Variants in CCDC178 observed in about 807,000 individuals in gnomAD.
CCDC178 encodes the protein coiled-coil domain-containing protein 178.
A neutral mutation model predicts 117.4 loss-of-function variants in CCDC178; 126 were observed. The ratio of observed to expected loss-of-function variants is 1.07; its 90% CI spans 0.93 to 1.24. The LOEUF (loss-of-function observed/expected upper bound fraction) is 1.24, where lower values mean the gene tolerates loss of function less well. Among genes scored for constraint, CCDC178 ranks in the 50% most tolerant of loss-of-function variants. The probability of loss-of-function intolerance (pLI) is 0.00; values close to 1 mark genes in which losing one functional copy is unlikely to be tolerated. For missense variants in CCDC178, 1,030 were observed against 986.9 expected (o/e 1.04, Z -0.59); for synonymous variants, 283 against 313.4 (o/e 0.90, Z 1.02).
intron 9 of CCDC178, among the ~76,000 whole-genome samples, chr18:33,339,531 C>T (rs2062786500): frequency 6.6e-6 from 1 of 151,114 alleles, no homozygotes. Flanking sequence ...CTGAAAATGA[C>T]TCAAGCAGCA....
Position 33,420,899 on chromosome 18 carries a change from A to G in CCDC178, c.-22-8789T>C, listed in dbSNP as rs200044940. ...TGTGGAAATTAAAAAATACACTATA[A>G]ATAACCTATATAAAAGAATATATCA... On this transcript the variant is annotated intron_variant, in intron 2 of 22. Transcript: ENST00000383096. Among the ~76,000 whole-genome samples the G allele has an allele frequency of 1.2e-4, 19 of 152,324 alleles. No individual in the cohort carries two copies. The East Asian group carries it at 2.5e-3, about 20-fold the overall frequency.
chr18:33,095,572 A>G (rs1388182628), intron 20 of CCDC178, among the ~76,000 whole-genome samples: 1 of 152,048 alleles, frequency 6.6e-6, no homozygotes, highest in Non-Finnish European at 1.5e-5. Flanking sequence ...AAGATCTAAC[A>G]TAAGCAGGTG....
At chr18:33,239,851 C>A (rs530811311) in intron 15 of CCDC178, among the ~76,000 whole-genome samples, 45 of 151,282 alleles carry the variant, frequency 3.0e-4, no homozygotes, top group Non-Finnish European at 4.4e-4. Flanking sequence ...CACCATTGAC[C>A]AAATGGACCT....
At chr18:33,133,326 A>C (rs1289540580) in intron 20 of CCDC178, among the ~76,000 whole-genome samples, 2 of 151,836 alleles carry the variant, frequency 1.3e-5, no homozygotes, top group Admixed American at 6.6e-5. Context: ...AAGACGTTTA[A>C]TTTTTTTCTG....
chr18:33,105,225 C>T (rs1232147861), intron 20 of CCDC178, among the ~76,000 whole-genome samples: 1 of 151,696 alleles, frequency 6.6e-6, no homozygotes, highest in South Asian at 2.1e-4. Context: ...AAAACTACCA[C>T]TAAGTCAGGC....
rs1005096468 is a variant in CCDC178, at chr18:33,067,875, G to A, written c.2388+24886C>T. Among the ~76,000 whole-genome samples, 23 of 151,056 alleles carry A rather than the reference G, an allele frequency of 1.5e-4. 1 individual carries two copies. In the South Asian group the frequency reaches 4.8e-3, roughly 31 times the overall value. On this transcript the variant is annotated intron_variant, in intron 21 of 22. Coordinates refer to ENST00000383096, the MANE Select transcript of CCDC178 (RefSeq NM_001105528.4). ...TAAAAAGAAAGAAAGAAAAAAAGAA[G>A]AATTAACAAAATTAAAAAGCCGGTG...
At chr18:33,409,965 G>A (rs887440552) in intron 3 of CCDC178, among the ~76,000 whole-genome samples, 1 of 152,130 alleles carries the variant, frequency 6.6e-6, no homozygotes, top group Non-Finnish European at 1.5e-5. Flanking sequence ...ATTTACAGAT[G>A]TCTATATCAC....
intron 21 of CCDC178, among the ~76,000 whole-genome samples, chr18:33,029,056 G>C (rs2056284178): frequency 6.6e-6 from 1 of 151,820 alleles, no homozygotes; most frequent in Non-Finnish European, 1.5e-5. Flanking sequence ...AGTGTCCCTT[G>C]CTCTGCTAGC....
At chr18:33,383,271 G>T (rs1015393392) in intron 5 of CCDC178, among the ~76,000 whole-genome samples, 4 of 152,104 alleles carry the variant, frequency 2.6e-5, no homozygotes, top group African/African-American at 9.7e-5. Context: ...GTGGTCTCAG[G>T]TTCAGTGGAC....
chr18:32,999,431 A>G (rs1299244539), intron 21 of CCDC178, among the ~76,000 whole-genome samples: 1 of 152,138 alleles, frequency 6.6e-6, no homozygotes, highest in Non-Finnish European at 1.5e-5. Context: ...GAAGGGAAAG[A>G]CACAAGCTTG....
rs527468560 is a variant in CCDC178 at position 32,977,368 on chromosome 18, C to A, written c.2389-2687G>T. Among the ~76,000 whole-genome samples, 12 of 152,210 alleles carry A rather than the reference C, an allele frequency of 7.9e-5. No homozygotes were observed. In the East Asian group the frequency reaches 1.7e-3, roughly 22 times the overall value. Reference sequence around the variant, plus strand: ...CACCCAAGGGTTCCGTAGACCTTTGCCACAGAGTTTCCTGGAAAATAGGCT... The same window carrying A: ...CACCCAAGGGTTCCGTAGACCTTTGACACAGAGTTTCCTGGAAAATAGGCT... On this transcript the variant is annotated intron_variant, in intron 21 of 22. Transcript: ENST00000383096.
intron 15 of CCDC178, among the ~76,000 whole-genome samples, chr18:33,235,775 C>T (rs2059419301): frequency 6.6e-6 from 1 of 152,126 alleles, no homozygotes; most frequent in African/African-American, 2.4e-5. Context: ...TTTTTGGTTG[C>T]AATGTCGCAT....
At chr18:33,192,849 C>T (rs2058876697) in intron 20 of CCDC178, among the ~76,000 whole-genome samples, 2 of 147,196 alleles carry the variant, frequency 1.4e-5, no homozygotes, top group Non-Finnish European at 3.0e-5. Context: ...TGCAGTGAGC[C>T]GAGATCGTGC....
At chr18:32,945,559 C>CTA (rs1341988675) in intron 22 of CCDC178, among the ~76,000 whole-genome samples, 1 of 152,148 alleles carries the variant, frequency 6.6e-6, no homozygotes, top group Non-Finnish European at 1.5e-5. Context: ...TAAGGTGTTT[C>CTA]AGCTCAATAT....
At chr18:33,050,691 A>G (rs1303046311) in intron 21 of CCDC178, among the ~76,000 whole-genome samples, 1 of 152,214 alleles carries the variant, frequency 6.6e-6, no homozygotes, top group African/African-American at 2.4e-5. Flanking sequence ...TGCATCTTCC[A>G]AAATAACAAA....
intron 20 of CCDC178, among the ~76,000 whole-genome samples, chr18:33,142,156 T>C (rs2058214035): frequency 6.6e-6 from 1 of 152,214 alleles, no homozygotes; most frequent in Non-Finnish European, 1.5e-5. Context: ...GGGGTAATTT[T>C]GCCCTTCCCT....
At chr18:33,349,562 T>C (rs1199421481) in intron 7 of CCDC178, among the ~76,000 whole-genome samples, 1 of 151,896 alleles carries the variant, frequency 6.6e-6, no homozygotes, top group East Asian at 1.9e-4. Context: ...TAAAATTCTG[T>C]ATGTTGAATA....
intron 21 of CCDC178, among the ~76,000 whole-genome samples, chr18:33,078,527 G>C (rs1313945493): frequency 2.0e-5 from 3 of 152,134 alleles, no homozygotes; most frequent in African/African-American, 7.2e-5. Context: ...CTATATTTAG[G>C]AAACCCCGTA....
At chr18:33,074,375 G>A (rs75830578) in intron 21 of CCDC178, among the ~76,000 whole-genome samples, 3,674 of 152,034 alleles carry the variant, frequency 0.024, 71 homozygotes, top group East Asian at 0.1. Context: ...CTACTCCCGC[G>A]ACTTCCAACA....
Sources: allele counts gnomAD v4.1 joint callset (sites outside exome capture counted in the v4.1 genomes callset), GRCh38; gene constraint gnomAD v4.1.1; transcripts MANE v1.5; gene names NCBI Gene and HGNC (gene_info 2026-07-23, HGNC 2026-07-21).